CLTCL1: variants seen among roughly 807,000 people sequenced by gnomAD.
CLTCL1 encodes the protein clathrin heavy chain 2.
In CLTCL1, 159 loss-of-function variants were observed where a neutral mutation model predicts 190.0. The observed-to-expected ratio is 0.84, with a 90% CI of 0.74 to 0.95. The LOEUF is 0.95. Among genes scored for constraint, CLTCL1 ranks in the 40% least tolerant of loss-of-function variants. The probability of loss-of-function intolerance (pLI) is 0.00; values close to 1 mark genes in which losing one functional copy is unlikely to be tolerated. For synonymous variants in CLTCL1, 752 were observed against 769.6 expected (o/e 0.98, Z 0.38); for missense variants, 1,878 against 2,033.4 (o/e 0.92, Z 1.47).
At chr22:19,182,764 A>G (rs1001019868) in intron 30 of CLTCL1, 5 of 152,336 alleles carry the variant, frequency 3.3e-5, no homozygotes, top group African/African-American at 1.2e-4. Flanking sequence ...AGTGTTAGAA[A>G]CAACAAACTG....
chr22:19,233,257 C>T lies in CLTCL1; in HGVS notation c.1430G>A (p.Ser477Asn), dbSNP rs1198938654. 2 of 1,614,026 alleles carry T rather than the reference C, an allele frequency of 1.2e-6. No individual in the cohort carries two copies. The highest frequency in any genetic ancestry group is 2.7e-5 in the African/African-American group (2 of 75,058). Reference sequence around the variant, plus strand: ...TGGCACATTTGCCCGAAGGTACACACTCAGAGCGAGCATGGGGTCAGTGGT... The same window carrying T: ...TGGCACATTTGCCCGAAGGTACACATTCAGAGCGAGCATGGGGTCAGTGGT... ...VKTTDPMLAL[S>N]VYLRANVPSK... Residue 477 changes from serine (S) to asparagine (N), a missense_variant, in exon 9 of 33, where the codon AGT (serine) becomes AAT (asparagine). By Grantham distance (46) the Ser-to-Asn change is conservative. Coordinates refer to ENST00000427926, the MANE Select transcript of CLTCL1 (RefSeq NM_007098.4).
chr22:19,193,480 C>T (rs1189221648), intron 26 of CLTCL1, among the ~76,000 whole-genome samples: 3 of 152,166 alleles, frequency 2.0e-5, no homozygotes, highest in Admixed American at 2.0e-4. Context: ...TAGCCACGCG[C>T]CAGGACATGG....
rs1187166891 is a variant in CLTCL1 at position 19,281,012 on chromosome 22, C to T, written c.43-5182G>A. 5.9e-5 allele frequency among the ~76,000 whole-genome samples: 9 copies of T among 151,394 alleles called. No homozygotes were observed. In the South Asian group the frequency reaches 1.5e-3, roughly 25 times the overall value. ...TTACAAGATGAAAAGAGTTGTGGGC[C>T]GGGCGCGGCGGCTCACACCTGTAAT... On this transcript the variant is annotated intron_variant, in intron 1 of 32. Transcript: ENST00000427926.
rs782495269 is a variant in CLTCL1, at chr22:19,221,500, C to G, written c.2673G>C (p.Glu891Asp). 1.2e-6 allele frequency: 2 copies of G among 1,602,222 alleles called. No homozygotes were observed. Among genetic ancestry groups the G allele is most frequent in the South Asian group, 2.3e-5 (2 of 88,702 alleles). The part of the protein sequence containing the change: ...KIYIDSNNSP[E>D]CFLRENAYYD... ...AGTAGGCATTCTCTCTCAGGAAGCA[C>G]TCGGGGCTGTTGTTGCTGTCGATGT... The change falls in exon 17 of 33, where the codon GAG becomes GAC. Residue 891 changes from glutamate (E) to aspartate (D), a missense_variant. Glu to Asp is a conservative substitution (Grantham distance 45). Transcript: ENST00000427926.
chr22:19,224,325 T>TGACG (rs2085672382), intron 13 of CLTCL1, among the ~76,000 whole-genome samples: 1 of 152,130 alleles, frequency 6.6e-6, no homozygotes, highest in African/African-American at 2.4e-5. Context: ...GGCCCAGGTA[T>TGACG]ACCTAGATAG....
intron 1 of CLTCL1, among the ~76,000 whole-genome samples, chr22:19,289,594 G>A (rs564852811): frequency 1.3e-5 from 2 of 152,266 alleles, no homozygotes; most frequent in African/African-American, 4.8e-5. Flanking sequence ...GGGGGAAGAA[G>A]TTTGCTGGTT....
At chr22:19,277,780 C>T (rs782143301) in intron 1 of CLTCL1, among the ~76,000 whole-genome samples, 1 of 152,172 alleles carries the variant, frequency 6.6e-6, no homozygotes, top group Non-Finnish European at 1.5e-5. Context: ...ACCTAGTTAT[C>T]CTACAATTTA....
In CLTCL1 at chr22:19,209,020, T is replaced by C. The variant is rs1555944859; in HGVS notation, c.3344A>G (p.Gln1115Arg). 1.2e-6 allele frequency: 2 copies of C among 1,611,356 alleles called. No individual in the cohort carries two copies. Among genetic ancestry groups the C allele is most frequent in the African/African-American group, 2.7e-5 (2 of 74,892 alleles). ...TTCCTTCACCAAATCTTTCTGGAGC[T>C]GGGCTTGGGCCAGCTGACTCCACAC... is the stretch of plus-strand genomic sequence containing the variant. Reference protein sequence around the residue: ...PAVWSQLAQAQLQKDLVKEAI... With the variant: ...PAVWSQLAQARLQKDLVKEAI... Residue 1115 changes from glutamine (Q) to arginine (R), a missense_variant, in exon 21 of 33, where the codon CAG (glutamine) becomes CGG (arginine). Transcript: ENST00000427926.
intron 1 of CLTCL1, among the ~76,000 whole-genome samples, chr22:19,278,068 T>C (rs1364086838): frequency 6.6e-6 from 1 of 152,024 alleles, no homozygotes; most frequent in Non-Finnish European, 1.5e-5. Flanking sequence ...AAGAGGCGCA[T>C]AGAGAAAGGC....
chr22:19,277,925 T>A (rs542030385), intron 1 of CLTCL1, among the ~76,000 whole-genome samples: 3 of 152,338 alleles, frequency 2.0e-5, no homozygotes, highest in Admixed American at 2.0e-4. Context: ...ACCATCCAGC[T>A]ATAAAGCAGG....
chr22:19,201,515 G>C, intron 22 of CLTCL1, 22 bp from the exon 23 acceptor site: 1 of 1,598,156 alleles, frequency 6.3e-7, no homozygotes, highest in Non-Finnish European at 8.6e-7. Context: ...AGGGTAGCTC[G>C]ACTGAGACAC....
chr22:19,219,663 T>C (rs2085505490), intron 18 of CLTCL1, among the ~76,000 whole-genome samples: 1 of 152,120 alleles, frequency 6.6e-6, no homozygotes, highest in Non-Finnish European at 1.5e-5. Context: ...TTTGTATTTT[T>C]AGTGGAGATG....
intron 18 of CLTCL1, 108 bp from the exon 19 acceptor site, chr22:19,216,364 CAG>C: frequency 2.0e-6 from 2 of 1,003,090 alleles, no homozygotes; most frequent in South Asian, 3.3e-5. Flanking sequence ...GGAATAGACA[CAG>C]AGAAAATGGG....
chr22:19,225,397 C>T lies in CLTCL1; in HGVS notation c.2128+56G>A, dbSNP rs2085708337. The T allele has an allele frequency of 3.4e-6, 5 of 1,486,494 alleles. 1 individual carries two copies. The South Asian group carries it at 6.6e-5, about 20-fold the overall frequency. 92.1% of individuals were successfully genotyped at this position (1,486,494 alleles called of 1,614,324 possible). On this transcript the variant is annotated intron_variant, in intron 13 of 32. Transcript: ENST00000427926. The stretch of plus-strand genomic sequence containing the variant: ...TAAGGCGGGCAGGTAGGCAGCAACA[C>T]CTGAGAAAGGAGGTGTAGTCACATG...
intron 2 of CLTCL1, among the ~76,000 whole-genome samples, chr22:19,256,358 T>A (rs1345774817): frequency 1.6e-5 from 2 of 123,960 alleles, no homozygotes; most frequent in Non-Finnish European, 3.6e-5. Context: ...TTTTATCTTT[T>A]TTTTTTTTTT....
At chr22:19,208,039 T>C (rs548709782) in intron 22 of CLTCL1, 115 bp downstream of exon 22, 182 of 1,274,028 alleles carry the variant, frequency 1.4e-4, no homozygotes, top group Non-Finnish European at 2.0e-4. Context: ...GTGGAAAAAC[T>C]GTCTTCGATG....
chr22:19,209,894 T>C (rs1244793370), intron 20 of CLTCL1, among the ~76,000 whole-genome samples: 1 of 152,054 alleles, frequency 6.6e-6, no homozygotes, highest in African/African-American at 2.4e-5. Flanking sequence ...TCTGGGAACC[T>C]GACCTTGGAT....
At chr22:19,246,504 T>G (rs1318231767) in intron 3 of CLTCL1, among the ~76,000 whole-genome samples, 1 of 151,942 alleles carries the variant, frequency 6.6e-6, no homozygotes, top group Admixed American at 6.6e-5. Flanking sequence ...GAGATGGAGT[T>G]TCGCTCTTGT....
intron 2 of CLTCL1, among the ~76,000 whole-genome samples, chr22:19,255,965 A>T (rs1222245139): frequency 2.0e-5 from 3 of 152,084 alleles, no homozygotes; most frequent in Non-Finnish European, 4.4e-5. Flanking sequence ...TTTTGGAGTA[A>T]ATTTAACAAA....
Sources: gnomAD v4.1 joint callset for allele counts (sites outside exome capture counted in the v4.1 genomes callset) on GRCh38, gnomAD v4.1.1 for gene constraint, MANE v1.5 for transcripts, NCBI Gene and HGNC (gene_info 2026-07-23, HGNC 2026-07-21) for gene names.